Variants in BACH2 observed in about 807,000 individuals in gnomAD.
The protein encoded by BACH2 is BACH transcriptional regulator 2.
BACH2 carries 5 observed loss-of-function variants against 61.8 expected under a neutral mutation model. The ratio of observed to expected loss-of-function variants is 0.08; its 90% CI spans 0.04 to 0.17. BACH2 has a LOEUF of 0.17. Among genes scored for constraint, BACH2 ranks in the 10% least tolerant of loss-of-function variants. BACH2 has a pLI of 1.00. For missense variants in BACH2, 824 were observed against 1,091.1 expected (o/e 0.76, Z 3.45); for synonymous variants, 446 against 440.1 (o/e 1.01, Z -0.17).
At chr6:89,953,067 C>T (rs568624109) in intron 6 of BACH2, 1 of 152,308 alleles carries the variant, frequency 6.6e-6, no homozygotes, top group East Asian at 1.9e-4. Flanking sequence ...AGCAGTGATA[C>T]AAAATTTTAG....
At chr6:90,032,631 G>T (rs1779051567) in intron 5 of BACH2, among the ~76,000 whole-genome samples, 1 of 152,014 alleles carries the variant, frequency 6.6e-6, no homozygotes, top group Non-Finnish European at 1.5e-5. Context: ...GGCCATCAGA[G>T]AAATGCAAAT....
intron 5 of BACH2, among the ~76,000 whole-genome samples, chr6:90,077,386 A>C (rs1056123254): frequency 2.0e-5 from 3 of 152,174 alleles, no homozygotes; most frequent in Admixed American, 1.3e-4. Context: ...GCTCGGCCTG[A>C]AAAGCATTCT....
chr6:90,025,025 C>T (rs1778562528), intron 5 of BACH2, among the ~76,000 whole-genome samples: 1 of 152,168 alleles, frequency 6.6e-6, no homozygotes, highest in African/African-American at 2.4e-5. Flanking sequence ...TGAGACTACC[C>T]CGTTTAGCGG....
chr6:90,104,649 C>A (rs1782820069), intron 4 of BACH2, among the ~76,000 whole-genome samples: 1 of 152,178 alleles, frequency 6.6e-6, no homozygotes, highest in Admixed American at 6.5e-5. Context: ...AAGTGAGCTC[C>A]CAGGGTCAGT....
intron 4 of BACH2, among the ~76,000 whole-genome samples, chr6:90,162,803 C>A (rs192256594): frequency 6.6e-6 from 1 of 152,224 alleles, no homozygotes; most frequent in Admixed American, 6.5e-5. Context: ...TCTGATGCTG[C>A]CCATTCTTTT....
At position 90,031,154 on chromosome 6, in the gene BACH2, A is replaced by C. The variant is rs1399814558; in HGVS notation, c.-12-22298T>G. On this transcript the variant is annotated intron_variant, in intron 5 of 8. Transcript: ENST00000257749. ...AAAAGGCCTTTGACAAAATTCAACAACCTTCATGCTAAAAATTCTCAATAA... is the reference window on the plus strand; with the variant it reads ...AAAAGGCCTTTGACAAAATTCAACACCCTTCATGCTAAAAATTCTCAATAA... Among the ~76,000 whole-genome samples, 345 of 152,106 alleles carry C rather than the reference A, an allele frequency of 2.3e-3. 2 individuals are homozygous for C. The highest frequency in any genetic ancestry group is 7.9e-3 in the African/African-American group (329 of 41,456).
chr6:90,227,672 T>G (rs1280251858), intron 3 of BACH2, among the ~76,000 whole-genome samples: 1 of 152,112 alleles, frequency 6.6e-6, no homozygotes, highest in Non-Finnish European at 1.5e-5. Context: ...AGCTTTATCC[T>G]CAAGAGAAGC....
intron 6 of BACH2, among the ~76,000 whole-genome samples, chr6:89,978,104 G>T (rs1045108902): frequency 6.6e-6 from 1 of 152,094 alleles, no homozygotes; most frequent in Non-Finnish European, 1.5e-5. Context: ...GAAATAAACC[G>T]CATTTTCAAG....
chr6:90,284,376 G>A (rs866804569), intron 1 of BACH2, among the ~76,000 whole-genome samples: 25 of 152,256 alleles, frequency 1.6e-4, no homozygotes, highest in African/African-American at 3.9e-4. Context: ...CCTCTGACTC[G>A]CATTTTCTGT....
At chr6:90,277,598 T>C (rs1273940053) in intron 1 of BACH2, among the ~76,000 whole-genome samples, 1 of 152,212 alleles carries the variant, frequency 6.6e-6, no homozygotes, top group African/African-American at 2.4e-5. Flanking sequence ...GTCAGTAAGA[T>C]GAATATATGT....
At chr6:90,263,629 C>A (rs563895715) in intron 2 of BACH2, among the ~76,000 whole-genome samples, 1 of 152,096 alleles carries the variant, frequency 6.6e-6, no homozygotes, top group South Asian at 2.1e-4. Context: ...TTTTTTCTTG[C>A]GCTGACTCCT....
In BACH2 at chr6:89,950,241, AC is replaced by A. The variant is rs748408734; in HGVS notation, c.1836+28del. The A allele has an allele frequency of 6.2e-7, 1 of 1,613,656 alleles. No individual in the cohort carries two copies. The highest frequency in any genetic ancestry group is 8.5e-7 in the Non-Finnish European group (1 of 1,179,624). ...AGATAAAGGGCCTAGAGAGTGGGTC[AC>A]ATGCTTGAATTTATGTGGGTTCCCT... On this transcript the variant is annotated intron_variant, in intron 7 of 8. Transcript: ENST00000257749. This position sits in a 1 kb window ranked among gnomAD's most constrained non-coding sequence, Gnocchi z 5.3.
chr6:89,953,763 T>C (rs1774259646), intron 6 of BACH2, among the ~76,000 whole-genome samples: 2 of 152,224 alleles, frequency 1.3e-5, no homozygotes, highest in South Asian at 4.1e-4. Context: ...CAACACAGTA[T>C]GTTTAGAGAG....
chr6:90,268,640 T>C (rs1562534857), intron 2 of BACH2, among the ~76,000 whole-genome samples: 1 of 152,216 alleles, frequency 6.6e-6, no homozygotes, highest in Admixed American at 6.5e-5. Context: ...TAGTAAATCA[T>C]TTTTATTGTA....
At chr6:90,092,920 G>C (rs1345260816) in intron 4 of BACH2, among the ~76,000 whole-genome samples, 1 of 152,082 alleles carries the variant, frequency 6.6e-6, no homozygotes, top group Non-Finnish European at 1.5e-5. Context: ...ATCCCTCCTG[G>C]AGGCCAAGGA....
At chr6:90,182,689 A>G (rs1768210202) in intron 4 of BACH2, among the ~76,000 whole-genome samples, 1 of 152,222 alleles carries the variant, frequency 6.6e-6, no homozygotes, top group Non-Finnish European at 1.5e-5. Context: ...TCATAGGTCC[A>G]ATACTGAGGC....
chr6:90,257,764 G>C (rs750888788), intron 2 of BACH2, among the ~76,000 whole-genome samples: 1 of 151,880 alleles, frequency 6.6e-6, no homozygotes, highest in African/African-American at 2.4e-5. Context: ...TTTCTAGTTT[G>C]GTGTAGTCCC....
chr6:90,162,739 T>C (rs1404115486), intron 4 of BACH2, among the ~76,000 whole-genome samples: 1 of 152,208 alleles, frequency 6.6e-6, no homozygotes, highest in East Asian at 1.9e-4. Flanking sequence ...AAGCAAAGAA[T>C]GATCATGATT....
At chr6:89,949,578 A>C (rs1032592429) in intron 7 of BACH2, among the ~76,000 whole-genome samples, 1 of 152,124 alleles carries the variant, frequency 6.6e-6, no homozygotes, top group Non-Finnish European at 1.5e-5. Flanking sequence ...TAGCAAGTAC[A>C]TTGCTTTCAG....
Sources: gnomAD v4.1 joint callset for allele counts (sites outside exome capture counted in the v4.1 genomes callset) on GRCh38, gnomAD v4.1.1 for gene constraint, Gnocchi (gnomAD v3.1) non-coding constraint, MANE v1.5 for transcripts, NCBI Gene and HGNC (gene_info 2026-07-23, HGNC 2026-07-21) for gene names.